The following KIAA0319L variants were observed in gnomAD, a reference collection of about 807,000 sequenced individuals.
The protein encoded by KIAA0319L is KIAA0319 like, also known as dyslexia-associated protein KIAA0319-like protein.
A neutral mutation model predicts 120.1 loss-of-function variants in KIAA0319L; 55 were observed. That is an observed-to-expected ratio of 0.46 (90% CI 0.37 to 0.57). KIAA0319L has a LOEUF of 0.57. Among genes scored for constraint, KIAA0319L ranks in the 20% least tolerant of loss-of-function variants. The probability of loss-of-function intolerance (pLI) is 0.00; values close to 1 mark genes in which losing one functional copy is unlikely to be tolerated. For synonymous variants in KIAA0319L, 398 were observed against 471.9 expected (o/e 0.84, Z 2.03); for missense variants, 1,049 against 1,255.3 (o/e 0.84, Z 2.48).
At chr1:35,530,611 T>C (rs1646327462) in intron 2 of KIAA0319L, among the ~76,000 whole-genome samples, 1 of 152,214 alleles carries the variant, frequency 6.6e-6, no homozygotes. Context: ...ATTGGAGAAT[T>C]ATTGTGTTCT....
intron 2 of KIAA0319L, among the ~76,000 whole-genome samples, chr1:35,514,988 G>C (rs1645620602): frequency 6.6e-6 from 1 of 152,074 alleles, no homozygotes; most frequent in Non-Finnish European, 1.5e-5. Flanking sequence ...CACATAATTG[G>C]ACATAAAACA....
At chr1:35,521,170 G>A (rs956121162) in intron 2 of KIAA0319L, among the ~76,000 whole-genome samples, 6 of 151,712 alleles carry the variant, frequency 4.0e-5, no homozygotes, top group African/African-American at 1.2e-4. Context: ...GTGAAACCCC[G>A]TCTCTACCAA....
Position 35,443,031 on chromosome 1 carries a change from G to A in KIAA0319L, c.2657-3C>T. 1 of 1,614,160 alleles carries A rather than the reference G, an allele frequency of 6.2e-7. No homozygotes were observed. Among genetic ancestry groups the A allele is most frequent in the Non-Finnish European group, 8.5e-7 (1 of 1,180,004 alleles). ...GTCGGAACAGTTCAGCTGACATGCT[G>A]AGAGTGGCAGCAAAGGGAAGAAAGT... On this transcript the variant is annotated splice_polypyrimidine_tract_variant and splice_region_variant and intron_variant, in intron 17 of 20. Coordinates refer to ENST00000325722, the MANE Select transcript of KIAA0319L (RefSeq NM_024874.5).
chr1:35,514,620 A>C (rs1163816066), intron 2 of KIAA0319L, among the ~76,000 whole-genome samples: 1 of 152,232 alleles, frequency 6.6e-6, no homozygotes, highest in African/African-American at 2.4e-5. Context: ...ATTTTAAACC[A>C]ACAAAGATCA....
chr1:35,460,181 G>A (rs2149105356), intron 9 of KIAA0319L, 124 bp downstream of exon 9: 1 of 782,890 alleles, frequency 1.3e-6, no homozygotes, highest in Non-Finnish European at 2.1e-6. Context: ...GGAACCAAAA[G>A]CTGTATTATC....
At position 35,454,638 on chromosome 1, in the gene KIAA0319L, G is replaced by A; in HGVS notation, c.1657-153C>T. The A allele has an allele frequency of 2.1e-6, 3 of 1,417,716 alleles. No individual in the cohort carries two copies. In the East Asian group the frequency reaches 7.6e-5, roughly 36 times the overall value. The allele number at this position is 1,417,716 out of a possible 1,614,324, so 87.8% of individuals were successfully genotyped here. On this transcript the variant is annotated intron_variant, in intron 10 of 20. Transcript: ENST00000325722. ...CCAGTTCAGCATGTGAGTGAATATG[G>A]AGTCAGATATCATGAGGCACCTTGC...
At position 35,526,397 on chromosome 1, in the gene KIAA0319L, A is replaced by T. The variant is rs1001077256; in HGVS notation, c.143-19262T>A. On this transcript the variant is annotated intron_variant, in intron 2 of 20. Transcript: ENST00000325722. ...CATATATATATACATACATATATAT[A>T]TATATATATATATACACACATACAT... is the stretch of plus-strand genomic sequence containing the variant. 5.5e-5 allele frequency among the ~76,000 whole-genome samples: 8 copies of T among 144,994 alleles called. No individual in the cohort carries two copies. The Admixed American group carries it at 5.6e-4, about 10-fold the overall frequency.
chr1:35,459,363 T>C (rs796469286), intron 9 of KIAA0319L, among the ~76,000 whole-genome samples: 14 of 152,110 alleles, frequency 9.2e-5, no homozygotes, highest in African/African-American at 3.4e-4. Flanking sequence ...TCCCAGAACT[T>C]TGGGAGGCTG....
At chr1:35,528,948 C>T (rs535448000) in intron 2 of KIAA0319L, among the ~76,000 whole-genome samples, 28 of 152,254 alleles carry the variant, frequency 1.8e-4, no homozygotes, top group South Asian at 8.3e-4. Context: ...TCCATTTGCA[C>T]GGAGTATTTT....
chr1:35,528,101 T>TG (rs2148461433), intron 2 of KIAA0319L, among the ~76,000 whole-genome samples: 1 of 152,328 alleles, frequency 6.6e-6, no homozygotes, highest in African/African-American at 2.4e-5. Context: ...TTTTTTCTTC[T>TG]TTTTGGAGAC....
rs140131597 is a variant in KIAA0319L at position 35,456,151 on chromosome 1, G to A, written c.1518C>T (p.Asn506=). The change falls in exon 10 of 21, where the codon AAC becomes AAT. Residue 506 remains asparagine (N), a synonymous_variant. Transcript: ENST00000325722. The part of the protein sequence containing the change: ...NKAVDYPPVA[N]AGPNQVITLP... The stretch of plus-strand genomic sequence containing the variant: ...GGGTGATCACTTGGTTGGGGCCTGC[G>A]TTGGCCACAGGGGGGTAATCCACAG... The A allele has an allele frequency of 1.1e-5, 17 of 1,613,782 alleles. No individual in the cohort carries two copies. Among genetic ancestry groups the A allele is most frequent in the Middle Eastern group, 1.6e-4 (1 of 6,084 alleles).
intron 2 of KIAA0319L, among the ~76,000 whole-genome samples, chr1:35,538,504 T>C (rs1646668039): frequency 6.7e-6 from 1 of 149,528 alleles, no homozygotes; most frequent in African/African-American, 2.5e-5. Flanking sequence ...GGCAGGAGAA[T>C]TGCTTGCAGC....
chr1:35,495,415 A>G (rs960053736), intron 3 of KIAA0319L, among the ~76,000 whole-genome samples: 1 of 152,126 alleles, frequency 6.6e-6, no homozygotes, highest in Non-Finnish European at 1.5e-5. Flanking sequence ...AAAACTTAGG[A>G]GAAAATCTTT....
intron 3 of KIAA0319L, among the ~76,000 whole-genome samples, chr1:35,486,631 T>C (rs1360406569): frequency 1.3e-5 from 2 of 150,432 alleles, no homozygotes; most frequent in East Asian, 2.0e-4. Flanking sequence ...CCCGATACAG[T>C]AGCTCACACC....
At chr1:35,538,236 T>C (rs1307821522) in intron 2 of KIAA0319L, among the ~76,000 whole-genome samples, 1 of 152,094 alleles carries the variant, frequency 6.6e-6, no homozygotes, top group Non-Finnish European at 1.5e-5. Flanking sequence ...AGTATATATA[T>C]AAAATACCTA....
At position 35,461,466 on chromosome 1, in the gene KIAA0319L, C is replaced by CA. The variant is rs559111128; in HGVS notation, c.1295-1030dup. 4.1e-3 allele frequency among the ~76,000 whole-genome samples: 596 copies of CA among 143,910 alleles called. 2 individuals are homozygous for CA. The highest frequency in any genetic ancestry group is 5.5e-3 in the South Asian group (25 of 4,542). 94.4% of individuals were successfully genotyped at this position (143,910 alleles called of 152,430 possible). A position where few individuals can be genotyped will look rare whatever the true frequency, so the allele number is the denominator to read the frequency against. On this transcript the variant is annotated intron_variant, in intron 8 of 20. Transcript: ENST00000325722. The stretch of plus-strand genomic sequence containing the variant: ...GGGCAAGAAGAGCGAAACTCTGTCT[C>CA]AAAAAAAAAAGAAAAATTCTCCAAC...
chr1:35,471,022 C>T, intron 5 of KIAA0319L, 62 bp from the exon 6 acceptor site: 1 of 906,236 alleles, frequency 1.1e-6, no homozygotes, highest in Non-Finnish European at 1.9e-6. Flanking sequence ...AGGACAGCCA[C>T]ATAGCCTGCC....
intron 7 of KIAA0319L, among the ~76,000 whole-genome samples, chr1:35,465,386 T>C (rs1011024366): frequency 3.9e-5 from 6 of 152,236 alleles, no homozygotes; most frequent in African/African-American, 1.4e-4. Flanking sequence ...ACTGCCCTGC[T>C]GGATTCTGCA....
intron 10 of KIAA0319L, chr1:35,454,773 C>A: frequency 2.6e-6 from 1 of 379,110 alleles, no homozygotes; most frequent in Non-Finnish European, 4.3e-6. Flanking sequence ...CAGAGATTAC[C>A]AAGGCCAGTC....
Sources: gnomAD v4.1 joint callset for allele counts (sites outside exome capture counted in the v4.1 genomes callset) on GRCh38, gnomAD v4.1.1 for gene constraint, MANE v1.5 for transcripts, NCBI Gene and HGNC (gene_info 2026-07-23, HGNC 2026-07-21) for gene names.